SORCS2: variants seen among roughly 807,000 people sequenced by gnomAD.
The protein encoded by SORCS2 is sortilin related VPS10 domain containing receptor 2.
A neutral mutation model predicts 141.6 loss-of-function variants in SORCS2; 100 were observed. The observed-to-expected ratio is 0.71, with a 90% CI of 0.60 to 0.83. The LOEUF (loss-of-function observed/expected upper bound fraction) is 0.83, where lower values mean the gene tolerates loss of function less well. Ranked by LOEUF, SORCS2 falls within the 40% of genes least tolerant of loss-of-function variation. The pLI, the probability that SORCS2 is intolerant of heterozygous loss-of-function variation, is 0.00. For missense variants in SORCS2, 1,646 were observed against 1,560.2 expected (o/e 1.05, Z -0.93); for synonymous variants, 789 against 676.9 (o/e 1.17, Z -2.57).
At chr4:7,627,637 G>A (rs555735411) in intron 3 of SORCS2, among the ~76,000 whole-genome samples, 1 of 152,208 alleles carries the variant, frequency 6.6e-6, no homozygotes, top group Non-Finnish European at 1.5e-5. Context: ...TGTTGGCTGA[G>A]GAGCCATGAA....
rs141579974 is a variant in SORCS2, at chr4:7,633,362, C to T, written c.649-4966C>T. Among the ~76,000 whole-genome samples the T allele has an allele frequency of 4.6e-3, 700 of 152,274 alleles. 1 individual carries two copies. The highest frequency in any genetic ancestry group is 0.014 in the Middle Eastern group (4 of 294). Reference sequence around the variant, plus strand: ...CACCTGCTTGCCTTTGGGGTCATGCCGTCCTCTCTGCCTGAAGCCCCGTCC... The same window carrying T: ...CACCTGCTTGCCTTTGGGGTCATGCTGTCCTCTCTGCCTGAAGCCCCGTCC... On this transcript the variant is annotated intron_variant, in intron 3 of 26. Coordinates refer to ENST00000507866, the MANE Select transcript of SORCS2 (RefSeq NM_020777.3).
chr4:7,631,707 G>A (rs1379221694), intron 3 of SORCS2, among the ~76,000 whole-genome samples: 1 of 152,166 alleles, frequency 6.6e-6, no homozygotes, highest in Non-Finnish European at 1.5e-5. Context: ...CCTATGGACT[G>A]AATGAGTCAG....
At chr4:7,219,729 G>T (rs958813567) in intron 1 of SORCS2, among the ~76,000 whole-genome samples, 6 of 152,206 alleles carry the variant, frequency 3.9e-5, no homozygotes, top group Non-Finnish European at 8.8e-5. Context: ...CCCATGACAC[G>T]TGGGGATCGT....
intron 1 of SORCS2, among the ~76,000 whole-genome samples, chr4:7,387,951 C>T (rs796684777): frequency 3.4e-5 from 3 of 88,426 alleles, no homozygotes; most frequent in Admixed American, 2.2e-4. Flanking sequence ...CACATACACA[C>T]ATGCACACAC....
chr4:7,216,025 C>A (rs1728330048), intron 1 of SORCS2, among the ~76,000 whole-genome samples: 1 of 152,172 alleles, frequency 6.6e-6, no homozygotes, highest in African/African-American at 2.4e-5. Context: ...TGCAATAAAT[C>A]TTGCTACTGC....
intron 1 of SORCS2, among the ~76,000 whole-genome samples, chr4:7,345,489 C>G (rs1032943300): frequency 1.2e-4 from 19 of 152,142 alleles, no homozygotes; most frequent in Non-Finnish European, 2.5e-4. Flanking sequence ...GGCTTCCTCT[C>G]CAGTGCTCTT....
chr4:7,308,286 A>C (rs952587), intron 1 of SORCS2, among the ~76,000 whole-genome samples: 117,216 of 152,074 alleles, frequency 0.77, 47,312 homozygotes, highest in Non-Finnish European at 0.89. Context: ...CACCCCCACC[A>C]CCGCCTCCAA....
intron 3 of SORCS2, among the ~76,000 whole-genome samples, chr4:7,606,112 C>T (rs1019710392): frequency 1.3e-5 from 2 of 152,188 alleles, no homozygotes; most frequent in African/African-American, 4.8e-5. Context: ...TTTCTGCTCC[C>T]ATGAACCACC....
chr4:7,416,206 G>T (rs2109170827), intron 2 of SORCS2, among the ~76,000 whole-genome samples: 1 of 152,288 alleles, frequency 6.6e-6, no homozygotes, highest in East Asian at 1.9e-4. Flanking sequence ...TAGGCTTGTG[G>T]ACTCGAGCAA....
intron 2 of SORCS2, among the ~76,000 whole-genome samples, chr4:7,476,657 C>T (rs1730314997): frequency 6.6e-6 from 1 of 152,192 alleles, no homozygotes; most frequent in South Asian, 2.1e-4. Context: ...ACTGGGCCAG[C>T]AGTCCCCAAG....
intron 1 of SORCS2, among the ~76,000 whole-genome samples, chr4:7,352,016 A>T (rs537289811): frequency 5.8e-4 from 88 of 151,664 alleles, no homozygotes; most frequent in African/African-American, 1.9e-3. Flanking sequence ...CCACCCCTTA[A>T]TCCATTAATC....
intron 1 of SORCS2, among the ~76,000 whole-genome samples, chr4:7,235,878 A>G (rs1712232791): frequency 6.6e-6 from 1 of 152,202 alleles, no homozygotes; most frequent in African/African-American, 2.4e-5. Flanking sequence ...TAGCGCTGCA[A>G]TTCCATTTAG....
At chr4:7,314,829 T>TTTTTTTTTTTTTTTTTTG (rs1560185676) in intron 1 of SORCS2, among the ~76,000 whole-genome samples, 2 of 116,516 alleles carry the variant, frequency 1.7e-5, no homozygotes, top group African/African-American at 7.1e-5. Flanking sequence ...TTTTTTTTTT[T>TTTTTTTTTTTTTTTTTTG]ATTGTTGTTG....
intron 3 of SORCS2, among the ~76,000 whole-genome samples, chr4:7,609,541 C>T (rs1271309631): frequency 6.6e-6 from 1 of 152,222 alleles, no homozygotes; most frequent in Non-Finnish European, 1.5e-5. Context: ...CTCTCTCTGC[C>T]ATGTGAGAAA....
intron 1 of SORCS2, among the ~76,000 whole-genome samples, chr4:7,318,922 G>A (rs1056682775): frequency 1.3e-5 from 2 of 152,126 alleles, no homozygotes; most frequent in East Asian, 1.9e-4. Flanking sequence ...GACAACTACC[G>A]ATCTGGTTTT....
intron 2 of SORCS2, among the ~76,000 whole-genome samples, chr4:7,399,045 A>T (rs1434635977): frequency 6.7e-6 from 1 of 148,734 alleles, no homozygotes; most frequent in African/African-American, 2.4e-5. Context: ...GGACGGCATC[A>T]TTGCTTTAAT....
chr4:7,349,273 C>T (rs1196965639), intron 1 of SORCS2, among the ~76,000 whole-genome samples: 1 of 152,182 alleles, frequency 6.6e-6, no homozygotes, highest in Non-Finnish European at 1.5e-5. Flanking sequence ...AGCAGAAGGC[C>T]CCTCTGCCCC....
rs1412028285 is a variant in SORCS2 at position 7,726,860 on chromosome 4, T to G, written c.2826T>G (p.Cys942Trp). 1.4e-5 allele frequency: 22 copies of G among 1,613,862 alleles called. No homozygotes were observed. Among genetic ancestry groups the G allele is most frequent in the Non-Finnish European group, 1.9e-5 (22 of 1,179,830 alleles). Residue 942 changes from cysteine (C) to tryptophan (W), a missense_variant, in exon 21 of 27, where the codon TGT (cysteine) becomes TGG (tryptophan). By Grantham distance (215) the Cys-to-Trp change is radical. Transcript: ENST00000507866. Reference sequence around the variant, plus strand: ...TGCGTGTGACGGTGCAGGCCGCCTGTGGGAACTCGGTGCTGCAGGACTCCA... The same window carrying G: ...TGCGTGTGACGGTGCAGGCCGCCTGGGGGAACTCGGTGCTGCAGGACTCCA... ...GDVRVTVQAA[C>W]GNSVLQDSRV...
intron 14 of SORCS2, among the ~76,000 whole-genome samples, chr4:7,710,255 G>A (rs1299619537): frequency 2.0e-5 from 3 of 152,132 alleles, no homozygotes; most frequent in African/African-American, 7.2e-5. Context: ...GGGTTCCAAC[G>A]CCGCCCCTCC....
Sources: gnomAD v4.1 joint callset for allele counts (sites outside exome capture counted in the v4.1 genomes callset) on GRCh38, gnomAD v4.1.1 for gene constraint, MANE v1.5 for transcripts, NCBI Gene and HGNC (gene_info 2026-07-23, HGNC 2026-07-21) for gene names.